The following SLC25A21 variants were observed in gnomAD, a reference collection of about 807,000 sequenced individuals.
The protein encoded by SLC25A21 is solute carrier family 25 member 21.
SLC25A21 carries 47 observed loss-of-function variants against 43.8 expected under a neutral mutation model. That is an observed-to-expected ratio of 1.07 (90% confidence interval 0.85 to 1.37). SLC25A21 has a LOEUF of 1.37. Among genes scored for constraint, SLC25A21 ranks in the 40% most tolerant of loss-of-function variants. SLC25A21 has a pLI of 0.00. For synonymous variants in SLC25A21, 131 were observed against 121.3 expected (o/e 1.08, Z -0.52); for missense variants, 352 against 350.2 (o/e 1.00, Z -0.04).
At chr14:36,729,601 A>G in intron 4 of SLC25A21, 35 bp from the exon 5 acceptor site, 1 of 1,568,024 alleles carries the variant, frequency 6.4e-7, no homozygotes, top group Non-Finnish European at 8.7e-7. Flanking sequence ...GATTTATAAC[A>G]ATTTTCCTGC....
At chr14:37,121,009 G>A (rs1000784952) in intron 1 of SLC25A21, among the ~76,000 whole-genome samples, 3 of 152,178 alleles carry the variant, frequency 2.0e-5, no homozygotes, top group Non-Finnish European at 4.4e-5. Flanking sequence ...AATGGGCTGA[G>A]TAAACATTTC....
intron 4 of SLC25A21, 115 bp downstream of exon 4, chr14:36,734,392 G>T: frequency 1.6e-6 from 1 of 621,724 alleles, no homozygotes; most frequent in Non-Finnish European, 2.6e-6. Context: ...TATAATTTCT[G>T]CATTAAAATT....
At chr14:37,044,793 A>C (rs1961552810) in intron 1 of SLC25A21, among the ~76,000 whole-genome samples, 1 of 152,210 alleles carries the variant, frequency 6.6e-6, no homozygotes, top group Non-Finnish European at 1.5e-5. Flanking sequence ...TTAAATTAAG[A>C]AGTGATCTCC....
At chr14:36,796,313 T>C (rs1887667391) in intron 3 of SLC25A21, among the ~76,000 whole-genome samples, 2 of 152,038 alleles carry the variant, frequency 1.3e-5, no homozygotes, top group South Asian at 4.2e-4. Flanking sequence ...ATAGATCACA[T>C]TTTCCACTTC....
At chr14:36,987,514 T>C (rs1020149247) in intron 1 of SLC25A21, among the ~76,000 whole-genome samples, 3 of 152,216 alleles carry the variant, frequency 2.0e-5, no homozygotes, top group Non-Finnish European at 4.4e-5. Context: ...ACTTACATGG[T>C]TTATTTTCAT....
At chr14:37,050,227 T>A (rs1961675256) in intron 1 of SLC25A21, among the ~76,000 whole-genome samples, 1 of 152,212 alleles carries the variant, frequency 6.6e-6, no homozygotes, top group African/African-American at 2.4e-5. Context: ...AAAATTAATA[T>A]CCATAAATAA....
intron 1 of SLC25A21, among the ~76,000 whole-genome samples, chr14:36,975,438 G>T (rs952634561): frequency 5.9e-5 from 9 of 152,124 alleles, no homozygotes; most frequent in Admixed American, 1.3e-4. Context: ...ATGTAAGAAA[G>T]ATTTTTTTTT....
At chr14:36,922,328 A>G (rs1312221724) in intron 1 of SLC25A21, among the ~76,000 whole-genome samples, 5 of 152,026 alleles carry the variant, frequency 3.3e-5, no homozygotes, top group Non-Finnish European at 7.4e-5. Flanking sequence ...AGTTATCTCT[A>G]TGATCGTTCC....
chr14:36,774,082 A>T (rs1034691232), intron 3 of SLC25A21, among the ~76,000 whole-genome samples: 1 of 152,178 alleles, frequency 6.6e-6, no homozygotes, highest in Non-Finnish European at 1.5e-5. Context: ...AACTTCTAGG[A>T]GTGCTTTCTT....
At chr14:37,088,730 G>A (rs1458047266) in intron 1 of SLC25A21, among the ~76,000 whole-genome samples, 2 of 152,200 alleles carry the variant, frequency 1.3e-5, no homozygotes, top group African/African-American at 4.8e-5. Context: ...ATGCACAAAC[G>A]TGGCTAGCAT....
At chr14:36,968,087 T>C (rs1247607606) in intron 1 of SLC25A21, among the ~76,000 whole-genome samples, 1 of 152,062 alleles carries the variant, frequency 6.6e-6, no homozygotes, top group Non-Finnish European at 1.5e-5. Context: ...GGTAACAGCA[T>C]GTACAAAAGT....
At chr14:36,980,151 C>A (rs535047306) in intron 1 of SLC25A21, among the ~76,000 whole-genome samples, 3 of 152,144 alleles carry the variant, frequency 2.0e-5, no homozygotes, top group Non-Finnish European at 2.9e-5. Context: ...GTGGGTAACC[C>A]GACCTTTCTC....
At chr14:36,725,792 A>C (rs913158666) in intron 5 of SLC25A21, 115 bp from the exon 6 acceptor site, 10 of 482,218 alleles carry the variant, frequency 2.1e-5, no homozygotes, top group African/African-American at 1.8e-4. Context: ...AGAAACCTAC[A>C]TAAACGCACC....
rs1313511182 is a variant in SLC25A21, at chr14:36,745,621, T to C, written c.204-11048A>G. 2.6e-5 allele frequency among the ~76,000 whole-genome samples: 4 copies of C among 152,238 alleles called. No homozygotes were observed. In the East Asian group the frequency reaches 7.7e-4, roughly 29 times the overall value. ...GATGATGAGCATTTTTTCATATGTC[T>C]GTTGGCTGCATAAATGTCTTCTTTT... is the stretch of plus-strand genomic sequence containing the variant. On this transcript the variant is annotated intron_variant, in intron 3 of 9. Transcript: ENST00000331299.
chr14:37,156,114 G>A (rs973131781), intron 1 of SLC25A21, among the ~76,000 whole-genome samples: 2 of 145,340 alleles, frequency 1.4e-5, no homozygotes, highest in Non-Finnish European at 3.0e-5. Context: ...AGCTGAGATC[G>A]CACCACTGCA....
At chr14:36,975,568 A>G (rs1594730754) in intron 1 of SLC25A21, among the ~76,000 whole-genome samples, 1 of 152,260 alleles carries the variant, frequency 6.6e-6, no homozygotes, top group East Asian at 1.9e-4. Flanking sequence ...GAATACATAC[A>G]TTAAAGTTTT....
intron 1 of SLC25A21, among the ~76,000 whole-genome samples, chr14:37,157,458 T>C (rs1308973451): frequency 2.0e-5 from 3 of 152,132 alleles, no homozygotes; most frequent in African/African-American, 7.2e-5. Context: ...ACTATTCATA[T>C]ACATGGAAGC....
At chr14:37,038,638 G>A (rs1296623640) in intron 1 of SLC25A21, among the ~76,000 whole-genome samples, 1 of 152,182 alleles carries the variant, frequency 6.6e-6, no homozygotes, top group East Asian at 1.9e-4. Context: ...GAAGTCAGAA[G>A]AACATTGTTG....
At chr14:37,088,778 C>T (rs1962530001) in intron 1 of SLC25A21, among the ~76,000 whole-genome samples, 1 of 152,184 alleles carries the variant, frequency 6.6e-6, no homozygotes, top group Non-Finnish European at 1.5e-5. Flanking sequence ...AAATTAGTAA[C>T]CAAGAAAACA....
Sources: allele counts gnomAD v4.1 joint callset (sites outside exome capture counted in the v4.1 genomes callset), GRCh38; gene constraint gnomAD v4.1.1; transcripts MANE v1.5; gene names NCBI Gene and HGNC (gene_info 2026-07-23, HGNC 2026-07-21).